Variants in MTUS2 observed in about 807,000 individuals in gnomAD.
The protein encoded by MTUS2 is microtubule associated scaffold protein 2.
Under a neutral mutation model 114.1 loss-of-function variants are expected in MTUS2, and 40 were observed. The observed-to-expected ratio is 0.35, with a 90% confidence interval of 0.27 to 0.46. The LOEUF is 0.46. Among genes scored for constraint, MTUS2 ranks in the 20% least tolerant of loss-of-function variants. The pLI is 1.00. For synonymous variants in MTUS2, 688 were observed against 672.0 expected (o/e 1.02, Z -0.37); for missense variants, 1,679 against 1,705.4 (o/e 0.98, Z 0.27).
intron 5 of MTUS2, among the ~76,000 whole-genome samples, chr13:29,225,085 C>T (rs567695661): frequency 6.6e-6 from 1 of 152,324 alleles, no homozygotes; most frequent in African/African-American, 2.4e-5. Flanking sequence ...CAGCTTCCTT[C>T]ACAAGACTGG....
chr13:29,362,750 T>C (rs952754115), intron 8 of MTUS2, among the ~76,000 whole-genome samples: 1 of 152,356 alleles, frequency 6.6e-6, no homozygotes, highest in East Asian at 1.9e-4. Context: ...GTTGCTGCTA[T>C]ATATTTTTAC....
intron 5 of MTUS2, among the ~76,000 whole-genome samples, chr13:29,246,853 A>G (rs962017304): frequency 3.3e-5 from 5 of 151,978 alleles, no homozygotes; most frequent in Non-Finnish European, 7.4e-5. Flanking sequence ...TAGAAATTCA[A>G]TGCAATTCTC....
chr13:29,029,791 G>A (rs890490413), intron 3 of MTUS2, among the ~76,000 whole-genome samples: 4 of 152,100 alleles, frequency 2.6e-5, no homozygotes, highest in Admixed American at 1.3e-4. Context: ...GAGGTGCCAG[G>A]CCTCTCTTTA....
At chr13:28,845,365 TA>T (rs1428529706) in intron 2 of MTUS2, among the ~76,000 whole-genome samples, 1 of 152,256 alleles carries the variant, frequency 6.6e-6, no homozygotes, top group African/African-American at 2.4e-5. Context: ...CTTTGACCAA[TA>T]AATGCCTAAC....
intron 6 of MTUS2, among the ~76,000 whole-genome samples, chr13:29,317,875 A>G (rs566229729): frequency 6.6e-6 from 1 of 152,284 alleles, no homozygotes; most frequent in East Asian, 1.9e-4. Flanking sequence ...CATCTTACAA[A>G]TGGCATCAGA....
chr13:29,341,298 T>C (rs1461292120), intron 7 of MTUS2, among the ~76,000 whole-genome samples: 3 of 152,160 alleles, frequency 2.0e-5, no homozygotes, highest in South Asian at 2.1e-4. Context: ...TTTCACAACA[T>C]CCCCACCAAC....
chr13:28,944,212 C>A lies in MTUS2; in HGVS notation c.-242-80245C>A, dbSNP rs187908974. Among the ~76,000 whole-genome samples, 301 of 152,034 alleles carry A rather than the reference C, an allele frequency of 2.0e-3. 9 individuals carry two copies. The highest frequency in any genetic ancestry group is 7.7e-4 in the Non-Finnish European group (52 of 67,956). ...CCATCACCTTAAATATTTATCTTTTCTTTATGCTGGGAACATTTGAATTAT... is the reference window on the plus strand; with the variant it reads ...CCATCACCTTAAATATTTATCTTTTATTTATGCTGGGAACATTTGAATTAT... On this transcript the variant is annotated intron_variant, in intron 2 of 15. Transcript: ENST00000612955.
chr13:29,285,786 T>C (rs768658102), intron 6 of MTUS2, among the ~76,000 whole-genome samples: 1 of 152,308 alleles, frequency 6.6e-6, no homozygotes, highest in South Asian at 2.1e-4. Flanking sequence ...TGTAAACATA[T>C]AGGCCAATTT....
At chr13:29,057,433 T>C (rs1888187406) in intron 4 of MTUS2, among the ~76,000 whole-genome samples, 1 of 152,144 alleles carries the variant, frequency 6.6e-6, no homozygotes, top group Non-Finnish European at 1.5e-5. Flanking sequence ...GTTACCTAAG[T>C]CTCTTCATAG....
At chr13:29,299,658 AT>A (rs1397652147) in intron 6 of MTUS2, among the ~76,000 whole-genome samples, 2 of 152,196 alleles carry the variant, frequency 1.3e-5, no homozygotes, top group African/African-American at 4.8e-5. Flanking sequence ...GCCGGTGATG[AT>A]GGGGAACTGC....
At chr13:29,343,358 T>A (rs575328797) in intron 7 of MTUS2, among the ~76,000 whole-genome samples, 98 of 152,148 alleles carry the variant, frequency 6.4e-4, no homozygotes, top group African/African-American at 2.1e-3. Context: ...TTTGGAGTTA[T>A]AATTTCTTCC....
At chr13:29,020,632 C>T (rs1459883625) in intron 2 of MTUS2, among the ~76,000 whole-genome samples, 1 of 152,168 alleles carries the variant, frequency 6.6e-6, no homozygotes, top group Non-Finnish European at 1.5e-5. Flanking sequence ...ATGTGAACTT[C>T]CACGTGTTGG....
intron 2 of MTUS2, among the ~76,000 whole-genome samples, chr13:29,016,810 TA>T (rs1886086710): frequency 6.6e-6 from 1 of 152,250 alleles, no homozygotes; most frequent in Non-Finnish European, 1.5e-5. Context: ...AGAGCTATTA[TA>T]TTTTGTGTTA....
At chr13:28,979,808 T>C (rs111246750) in intron 2 of MTUS2, among the ~76,000 whole-genome samples, 1,917 of 152,276 alleles carry the variant, frequency 0.013, 35 homozygotes, top group African/African-American at 0.044. Context: ...TAGCATTAAA[T>C]GTTAAATGCT....
At chr13:29,258,537 G>A (rs917130743) in intron 5 of MTUS2, among the ~76,000 whole-genome samples, 2 of 152,196 alleles carry the variant, frequency 1.3e-5, no homozygotes, top group African/African-American at 4.8e-5. Flanking sequence ...CAGGGGACAT[G>A]GCTGTTTGGG....
chr13:28,922,491 T>C (rs969343318), intron 2 of MTUS2, among the ~76,000 whole-genome samples: 2 of 152,214 alleles, frequency 1.3e-5, no homozygotes, highest in African/African-American at 4.8e-5. Flanking sequence ...TTGCTGGAAC[T>C]CTGGCTCCAT....
intron 2 of MTUS2, among the ~76,000 whole-genome samples, chr13:28,991,293 C>G (rs1433092965): frequency 3.9e-5 from 6 of 152,038 alleles, no homozygotes; most frequent in African/African-American, 1.5e-4. Flanking sequence ...CTTGTCTTCC[C>G]TGTCCAGCTG....
chr13:29,295,728 G>A (rs1161772554), intron 6 of MTUS2, among the ~76,000 whole-genome samples: 2 of 152,174 alleles, frequency 1.3e-5, no homozygotes, highest in Non-Finnish European at 2.9e-5. Context: ...TTGTTTAATG[G>A]ACTCAACAGT....
intron 8 of MTUS2, among the ~76,000 whole-genome samples, chr13:29,400,313 C>T (rs1240764631): frequency 6.6e-6 from 1 of 152,070 alleles, no homozygotes; most frequent in Non-Finnish European, 1.5e-5. Context: ...AAGTGGTCAG[C>T]GGTGTACAGC....
Sources: allele counts gnomAD v4.1 joint callset (sites outside exome capture counted in the v4.1 genomes callset), GRCh38; gene constraint gnomAD v4.1.1; transcripts MANE v1.5; gene names NCBI Gene and HGNC (gene_info 2026-07-23, HGNC 2026-07-21).